The following FBLN1 variants were observed in gnomAD, a reference collection of about 807,000 sequenced individuals.
FBLN1 encodes fibulin-1.
In FBLN1, 34 loss-of-function variants were observed where a neutral mutation model predicts 89.7. That is an observed-to-expected ratio of 0.38 (90% confidence interval 0.29 to 0.50). The LOEUF is 0.50. Ranked by LOEUF, FBLN1 falls within the 20% of genes least tolerant of loss-of-function variation. FBLN1 has a pLI of 0.92. For missense variants in FBLN1, 777 were observed against 988.1 expected (o/e 0.79, Z 2.86); for synonymous variants, 393 against 391.3 (o/e 1.00, Z -0.05).
intron 1 of FBLN1, among the ~76,000 whole-genome samples, chr22:45,503,748 G>A (rs56187421): frequency 0.17 from 26,264 of 152,172 alleles, 2,395 homozygotes; most frequent in Admixed American, 0.22. Flanking sequence ...TGCTCAGCGG[G>A]GACTGGGGAC....
At chr22:45,523,014 T>G in intron 2 of FBLN1, 2 of 602,588 alleles carry the variant, frequency 3.3e-6, no homozygotes, top group South Asian at 2.2e-5. Context: ...TCTGATGGTT[T>G]GTAGGAAGGC....
At chr22:45,584,230 T>C (rs540979803) in intron 16 of FBLN1, among the ~76,000 whole-genome samples, 6 of 152,272 alleles carry the variant, frequency 3.9e-5, no homozygotes, top group African/African-American at 1.4e-4. Flanking sequence ...GAAAGTGAAC[T>C]TGACAGCCGC....
chr22:45,547,516 C>T (rs1423048602), intron 12 of FBLN1, among the ~76,000 whole-genome samples: 2 of 151,218 alleles, frequency 1.3e-5, no homozygotes, highest in Non-Finnish European at 2.9e-5. Flanking sequence ...CCACCTCAGC[C>T]TCCCAAGTAG....
chr22:45,541,170 T>C, intron 8 of FBLN1, 59 bp from the exon 9 acceptor site: 1 of 1,611,292 alleles, frequency 6.2e-7, no homozygotes, highest in Non-Finnish European at 8.5e-7. Flanking sequence ...GATCCAGTTT[T>C]TGGGTTCTGG....
rs2088873685 is a variant in FBLN1 at position 45,563,409 on chromosome 22, G to A, written c.1698-11102G>A. 8.6e-6 allele frequency: 13 copies of A among 1,507,560 alleles called. No homozygotes were observed. The highest frequency in any genetic ancestry group is 8.1e-5 in the Admixed American group (4 of 49,626). The allele number at this position is 1,507,560 out of a possible 1,614,324, so 93.4% of individuals were successfully genotyped here. A position where few individuals can be genotyped will look rare whatever the true frequency, so the allele number is the denominator to read the frequency against. ...TTTGGCATGGTTGGGAGTCTGTGCCGCTTGTTACCCGGGGGTGAGCTGGGC... is the reference window on the plus strand; with the variant it reads ...TTTGGCATGGTTGGGAGTCTGTGCCACTTGTTACCCGGGGGTGAGCTGGGC... On this transcript the variant is annotated intron_variant, in intron 14 of 16. Transcript: ENST00000327858. This position sits in a 1 kb window ranked among gnomAD's most constrained non-coding sequence, Gnocchi z 5.7.
rs1038455129 is a variant in FBLN1, at chr22:45,583,792, G to A, written c.1972+6684G>A. On this transcript the variant is annotated intron_variant, in intron 16 of 16. Transcript: ENST00000327858. The surrounding 1 kb of genome is among the most constrained non-coding windows in gnomAD (Gnocchi z 4.5). ...AAGGGGAAGCGCCTGCAGCATGAGA[G>A]AGAGAGAGAATGAGAGAGAGAGACA... 3.9e-5 allele frequency among the ~76,000 whole-genome samples: 6 copies of A among 152,092 alleles called. No homozygotes were observed. In the South Asian group the frequency reaches 1.0e-3, roughly 26 times the overall value.
chr22:45,572,001 C>A lies in FBLN1; in HGVS notation c.1698-2510C>A, dbSNP rs138349824. ...AAAATTAGCTGGTCGTGGTGGTGCC[C>A]GCCTGTAATCCCAGCTACTCAGGAG... is the stretch of plus-strand genomic sequence containing the variant. On this transcript the variant is annotated intron_variant, in intron 14 of 16. Coordinates refer to ENST00000327858, the MANE Select transcript of FBLN1 (RefSeq NM_006486.3). The surrounding 1 kb of genome is among the most constrained non-coding windows in gnomAD (Gnocchi z 5.8). 6.6e-6 allele frequency among the ~76,000 whole-genome samples: 1 copy of A among 151,930 alleles called. No homozygotes were observed. Among genetic ancestry groups the A allele is most frequent in the Non-Finnish European group, 1.5e-5 (1 of 67,976 alleles).
intron 11 of FBLN1, among the ~76,000 whole-genome samples, chr22:45,544,619 A>G (rs969854897): frequency 1.3e-5 from 2 of 152,230 alleles, no homozygotes; most frequent in African/African-American, 4.8e-5. Flanking sequence ...TTGGGCTGGA[A>G]CCAAGAGAAA....
rs2088849272 is a variant in FBLN1, at chr22:45,561,401, T to C, written c.1697+10786T>C. ...ACTTAGGAGCAACCAACCAGCTTCA[T>C]TATGTTCCTTGGTTCTCCACATATG... On this transcript the variant is annotated intron_variant, in intron 14 of 16. Transcript: ENST00000327858. The surrounding 1 kb of genome is among the most constrained non-coding windows in gnomAD (Gnocchi z 4.7). Among the ~76,000 whole-genome samples, 2 of 152,222 alleles carry C rather than the reference T, an allele frequency of 1.3e-5. No individual in the cohort carries two copies. The highest frequency in any genetic ancestry group is 6.5e-5 in the Admixed American group (1 of 15,288).
At chr22:45,503,161 G>A (rs1483594057) in intron 1 of FBLN1, 97 bp downstream of exon 1, 1 of 975,456 alleles carries the variant, frequency 1.0e-6, no homozygotes, top group Non-Finnish European at 1.3e-6. Context: ...CTCGGAGTCC[G>A]TGCGTTGCCC....
rs1299018055 is a variant in FBLN1 at position 45,531,262 on chromosome 22, T to C, written c.485-3T>C. 6.2e-7 allele frequency: 1 copy of C among 1,613,794 alleles called. No individual in the cohort carries two copies. Among genetic ancestry groups the C allele is most frequent in the Admixed American group, 1.7e-5 (1 of 60,010 alleles). On this transcript the variant is annotated splice_polypyrimidine_tract_variant and splice_region_variant and intron_variant, in intron 4 of 16. Coordinates refer to ENST00000327858, the MANE Select transcript of FBLN1 (RefSeq NM_006486.3). This position sits in a 1 kb window ranked among gnomAD's most constrained non-coding sequence, Gnocchi z 4.9. ...TGTCTGACTTGGTCTTTTTCCCCCT[T>C]AGATAAGATCATTGAGGTTGAGGAG...
At chr22:45,504,972 C>G (rs1034933622) in intron 1 of FBLN1, among the ~76,000 whole-genome samples, 7 of 152,224 alleles carry the variant, frequency 4.6e-5, no homozygotes, top group African/African-American at 1.7e-4. Flanking sequence ...TGTGAGGCCC[C>G]CGAAGCCCTG....
At chr22:45,584,265 C>T (rs767557722) in intron 16 of FBLN1, among the ~76,000 whole-genome samples, 23 of 152,152 alleles carry the variant, frequency 1.5e-4, no homozygotes, top group Non-Finnish European at 2.8e-4. Context: ...TGTGCTGAGT[C>T]GTGGGAGCCT....
rs537749165 is a variant in FBLN1 at position 45,517,034 on chromosome 22, G to A, written c.80-1648G>A. Among the ~76,000 whole-genome samples, 47 of 152,372 alleles carry A rather than the reference G, an allele frequency of 3.1e-4. 1 individual carries two copies. The East Asian group carries it at 8.5e-3, about 28-fold the overall frequency. ...CATCTGAAGGACGCATAGTCTAGAA[G>A]TGCTTACAGTGGCTGATGACTGATA... On this transcript the variant is annotated intron_variant, in intron 1 of 16. Transcript: ENST00000327858.
intron 16 of FBLN1, among the ~76,000 whole-genome samples, chr22:45,596,679 CAT>C (rs1348326480): frequency 7.5e-6 from 1 of 132,808 alleles, no homozygotes; most frequent in Non-Finnish European, 1.5e-5. Context: ...CATATAGCAA[CAT>C]AATATGATAA....
Position 45,527,878 on chromosome 22 carries a change from C to CGGCCCA in FBLN1, c.362_367dup (p.Ala121_Gln122dup). On this transcript the variant is annotated inframe_insertion, in exon 4 of 17. Coordinates refer to ENST00000327858, the MANE Select transcript of FBLN1 (RefSeq NM_006486.3). ...TGCCATTGCTGTCTGCTGGGGAGGG[C>CGGCCCA]GGCCCAGGCCCAGGGCCAGAGCTGC... 1.2e-6 allele frequency: 2 copies of CGGCCCA among 1,614,032 alleles called. No individual in the cohort carries two copies. Among genetic ancestry groups the CGGCCCA allele is most frequent in the Non-Finnish European group, 1.7e-6 (2 of 1,180,000 alleles).
At chr22:45,511,157 AT>A (rs67205437) in intron 1 of FBLN1, among the ~76,000 whole-genome samples, 164 of 143,804 alleles carry the variant, frequency 1.1e-3, no homozygotes, top group African/African-American at 1.5e-3. Flanking sequence ...ATCTTCCCCC[AT>A]TTTTTTTTTT....
At chr22:45,547,308 G>A (rs1425059781) in intron 12 of FBLN1, 104 bp downstream of exon 12, 3 of 1,513,982 alleles carry the variant, frequency 2.0e-6, no homozygotes, top group African/African-American at 2.8e-5. Flanking sequence ...GAGCCTGCTG[G>A]GATTTCTTCA....
Position 45,562,891 on chromosome 22 carries a change from C to T in FBLN1, c.1698-11620C>T. On this transcript the variant is annotated intron_variant, in intron 14 of 16. Coordinates refer to ENST00000327858, the MANE Select transcript of FBLN1 (RefSeq NM_006486.3). This position sits in a 1 kb window ranked among gnomAD's most constrained non-coding sequence, Gnocchi z 7.8. Reference sequence around the variant, plus strand: ...ACCGGCCCTAACCCTCTTCTTGTCTCTCTGCCCACTTTTCTTGCAGCCGCT... The same window carrying T: ...ACCGGCCCTAACCCTCTTCTTGTCTTTCTGCCCACTTTTCTTGCAGCCGCT... 1.9e-6 allele frequency: 3 copies of T among 1,611,468 alleles called. No homozygotes were observed. Among genetic ancestry groups the T allele is most frequent in the Non-Finnish European group, 2.5e-6 (3 of 1,179,154 alleles).
Sources: gnomAD v4.1 joint callset for allele counts (sites outside exome capture counted in the v4.1 genomes callset) on GRCh38, gnomAD v4.1.1 for gene constraint, Gnocchi (gnomAD v3.1) non-coding constraint, MANE v1.5 for transcripts, NCBI Gene and HGNC (gene_info 2026-07-23, HGNC 2026-07-21) for gene names.